The following AP3B2 variants were observed in gnomAD, a reference collection of about 807,000 sequenced individuals.
AP3B2 encodes the protein AP-3 complex subunit beta-2.
A neutral mutation model predicts 126.9 loss-of-function variants in AP3B2; 50 were observed. The ratio of observed to expected loss-of-function variants is 0.39; its 90% confidence interval spans 0.31 to 0.50. AP3B2 has a LOEUF of 0.50. Among genes scored for constraint, AP3B2 ranks in the 20% least tolerant of loss-of-function variants. AP3B2 has a pLI of 0.79. For synonymous variants in AP3B2, 541 were observed against 565.0 expected, an observed-to-expected ratio of 0.96 and a Z score of 0.60; for missense variants, 1,177 against 1,426.4, an observed-to-expected ratio of 0.83 and a Z score of 2.82.
chr15:82,679,728 C>A lies in AP3B2; in HGVS notation c.1182+1G>T. On this transcript the variant is annotated splice_donor_variant, in intron 10 of 26. Coordinates refer to ENST00000535359, the MANE Select transcript of AP3B2 (RefSeq NM_001278512.2). LOFTEE classifies it high-confidence loss of function. The stretch of plus-strand genomic sequence containing the variant: ...CACATGCACTTCTGTCCCTCACTCA[C>A]CTTCAGGATCTTAATCTGGGTGGGG... The A allele has an allele frequency of 1.2e-6, 2 of 1,613,404 alleles. No homozygotes were observed. Among genetic ancestry groups the A allele is most frequent in the Non-Finnish European group, 1.7e-6 (2 of 1,179,412 alleles).
rs142090932 is a variant in AP3B2 at position 82,673,544 on chromosome 15, G to C, written c.1665+2917C>G. ...AAAATTCTAAGTGAAAAGTTTAATT[G>C]AAATGTGAATGGGGAAAAAAAAGTA... On this transcript the variant is annotated intron_variant, in intron 14 of 26. Transcript: ENST00000535359. Among the ~76,000 whole-genome samples, 1,014 of 152,176 alleles carry C rather than the reference G, an allele frequency of 6.7e-3. 9 individuals are homozygous for C. Among genetic ancestry groups the C allele is most frequent in the African/African-American group, 0.023 (946 of 41,504 alleles).
At chr15:82,700,893 CTCCG>C (rs1555469725) in intron 1 of AP3B2, among the ~76,000 whole-genome samples, 1 of 150,800 alleles carries the variant, frequency 6.6e-6, no homozygotes, top group Non-Finnish European at 1.5e-5. Context: ...TGGAGTCTCA[CTCCG>C]TTGCCCAGGC....
intron 1 of AP3B2, among the ~76,000 whole-genome samples, chr15:82,708,220 C>T (rs1014717613): frequency 6.6e-6 from 1 of 151,714 alleles, no homozygotes; most frequent in Admixed American, 6.6e-5. Context: ...GTCCCCCCAC[C>T]GCCAGAGAAC....
Position 82,709,609 on chromosome 15 carries a change from GAGA to G in AP3B2, c.95_97del (p.Phe32del). The G allele has an allele frequency of 6.6e-7, 1 of 1,512,502 alleles. No individual in the cohort carries two copies. The highest frequency in any genetic ancestry group is 1.2e-5 in the South Asian group (1 of 80,952). The allele number at this position is 1,512,502 out of a possible 1,614,324, so 93.7% of individuals were successfully genotyped here. On this transcript the variant is annotated inframe_deletion, in exon 1 of 27. Transcript: ENST00000535359. ...GCTCCCTCACCGCTTGTAGTCGGAG[GAGA>G]AGATGCCGCCGCTCGCGGGGTCGTG...
chr15:82,694,686 A>T (rs1483678405), intron 1 of AP3B2, among the ~76,000 whole-genome samples: 2 of 138,276 alleles, frequency 1.4e-5, no homozygotes, highest in Non-Finnish European at 3.2e-5. Flanking sequence ...ACCTGTCTCT[A>T]AAAAAAAAAA....
chr15:82,681,153 G>A lies in AP3B2; in HGVS notation c.547C>T (p.Leu183=). The part of the protein sequence containing the change: ...YSLDSDQKDQ[L]IEVIEKLLAD... ...AGAAGCTTCTCAATGACTTCTATCA[G>A]CTGATCCTTCTGGTCAGAGTCCAAA... The change falls in exon 6 of 27, where the codon CTG becomes TTG. Residue 183 remains leucine (L), a synonymous_variant. Coordinates refer to ENST00000535359, the MANE Select transcript of AP3B2 (RefSeq NM_001278512.2). The surrounding 1 kb of genome is among the most constrained non-coding windows in gnomAD (Gnocchi z 4.0). The A allele has an allele frequency of 6.2e-7, 1 of 1,612,884 alleles. No individual in the cohort carries two copies. Among genetic ancestry groups the A allele is most frequent in the Non-Finnish European group, 8.5e-7 (1 of 1,179,442 alleles).
intron 12 of AP3B2, 104 bp from the exon 13 acceptor site, chr15:82,677,487 A>G: frequency 7.3e-7 from 1 of 1,377,266 alleles, no homozygotes; most frequent in Non-Finnish European, 1.0e-6. Flanking sequence ...CTTTCTCTCA[A>G]CCCCCTTCAG....
At chr15:82,690,264 T>A (rs75390316) in intron 1 of AP3B2, among the ~76,000 whole-genome samples, 7 of 151,952 alleles carry the variant, frequency 4.6e-5, no homozygotes, top group African/African-American at 7.2e-5. Context: ...TTTTTTTTTT[T>A]AATTATACTT....
At chr15:82,663,083 A>C in intron 22 of AP3B2, 44 bp downstream of exon 22, 2 of 1,540,400 alleles carry the variant, frequency 1.3e-6, no homozygotes, top group South Asian at 2.3e-5. Context: ...CAGCACAGGG[A>C]TGTGTCCCTG....
intron 1 of AP3B2, among the ~76,000 whole-genome samples, chr15:82,703,851 G>C (rs534843092): frequency 6.6e-6 from 1 of 151,648 alleles, no homozygotes; most frequent in Non-Finnish European, 1.5e-5. Flanking sequence ...CTTTTCTACC[G>C]ACCCATCTGA....
Position 82,679,753 on chromosome 15 carries a change from G to A in AP3B2, c.1158C>T (p.Asp386=). 6.2e-7 allele frequency: 1 copy of A among 1,613,888 alleles called. No homozygotes were observed. The highest frequency in any genetic ancestry group is 8.5e-7 in the Non-Finnish European group (1 of 1,179,844). Reference sequence around the variant, plus strand: ...CCTTCAGGATCTTAATCTGGGTGGGGTCGGTGGACCTGATGTAGAAGCTCT... The same window carrying A: ...CCTTCAGGATCTTAATCTGGGTGGGATCGGTGGACCTGATGTAGAAGCTCT... ...YLKSFYIRST[D]PTQIKILKLE... is the part of the protein sequence containing the mutation. The change falls in exon 10 of 27, where the codon GAC becomes GAT. Residue 386 remains aspartate, a synonymous_variant. Transcript: ENST00000535359.
chr15:82,663,042 C>A (rs753971094), intron 22 of AP3B2, 85 bp downstream of exon 22: 14 of 1,486,014 alleles, frequency 9.4e-6, no homozygotes, highest in South Asian at 1.2e-5. Context: ...CCATCACACC[C>A]ACCCCCCACA....
chr15:82,672,396 G>C (rs564371908), intron 14 of AP3B2, among the ~76,000 whole-genome samples: 78 of 152,290 alleles, frequency 5.1e-4, no homozygotes, highest in African/African-American at 1.8e-3. Context: ...TTATTTGTGA[G>C]GGCTAAAAAT....
At position 82,664,384 on chromosome 15, in the gene AP3B2, T is replaced by C. The variant is rs769662562; in HGVS notation, c.2244A>G (p.Lys748=). 2.0e-5 allele frequency: 33 copies of C among 1,613,798 alleles called. No individual in the cohort carries two copies. The highest frequency in any genetic ancestry group is 2.7e-5 in the Non-Finnish European group (32 of 1,179,850). Residue 748 remains lysine, a synonymous_variant, in exon 19 of 27, where the codon AAA becomes AAG. Coordinates refer to ENST00000535359, the MANE Select transcript of AP3B2 (RefSeq NM_001278512.2). This position sits in a 1 kb window ranked among gnomAD's most constrained non-coding sequence, Gnocchi z 4.5. ...DNEDQDEDEE[K]GRGSESEQSE... is the part of the protein sequence containing the mutation. Reference sequence around the variant, plus strand: ...CTTCTCACCTCTCACTGCCTCTCCCTTTCTCCTCATCCTCATCCTGGTCTT... The same window carrying C: ...CTTCTCACCTCTCACTGCCTCTCCCCTTCTCCTCATCCTCATCCTGGTCTT...
At position 82,664,995 on chromosome 15, in the gene AP3B2, C is replaced by A. The variant is rs2151429442; in HGVS notation, c.2029-52G>T. Reference sequence around the variant, plus strand: ...CATTTCATCATGGTTGGGGAGAAGGCAGGCAGGCACAAGCCCTTACCCTTT... The same window carrying A: ...CATTTCATCATGGTTGGGGAGAAGGAAGGCAGGCACAAGCCCTTACCCTTT... On this transcript the variant is annotated intron_variant, in intron 17 of 26. Transcript: ENST00000535359. This position sits in a 1 kb window ranked among gnomAD's most constrained non-coding sequence, Gnocchi z 4.5. The A allele has an allele frequency of 7.3e-7, 1 of 1,377,646 alleles. No individual in the cohort carries two copies. Among genetic ancestry groups the A allele is most frequent in the Admixed American group, 1.9e-5 (1 of 51,518 alleles). The allele number at this position is 1,377,646 out of a possible 1,614,324, so 85.3% of individuals were successfully genotyped here. A position where few individuals can be genotyped will look rare whatever the true frequency, so the allele number is the denominator to read the frequency against.
Position 82,689,418 on chromosome 15 carries a change from T to C in AP3B2, c.149A>G (p.Lys50Arg), listed in dbSNP as rs1161088024. ...DDLKEMLDTN[K>R]DSLKLEAMKR... ...CATGGCCTCCAGCTTGAGAGAATCC[T>C]TGTTGGTGTCCAGCATCTCCTTCAG... Residue 50 changes from lysine (K) to arginine (R), a missense_variant, in exon 2 of 27, where the codon AAG becomes AGG. This residue lies in a region of AP3B2 where 130 missense variants were observed against 262.0 expected (regional missense o/e 0.50). Coordinates refer to ENST00000535359, the MANE Select transcript of AP3B2 (RefSeq NM_001278512.2). The C allele has an allele frequency of 1.2e-5, 19 of 1,613,892 alleles. No homozygotes were observed. Among genetic ancestry groups the C allele is most frequent in the Non-Finnish European group, 1.5e-5 (18 of 1,179,876 alleles).
At chr15:82,697,469 G>C (rs936523511) in intron 1 of AP3B2, among the ~76,000 whole-genome samples, 1 of 152,192 alleles carries the variant, frequency 6.6e-6, no homozygotes, top group East Asian at 1.9e-4. Flanking sequence ...TCATAAAGTG[G>C]CAAATGACTG....
chr15:82,699,783 C>G, intron 1 of AP3B2: 1 of 399,314 alleles, frequency 2.5e-6, no homozygotes, highest in Non-Finnish European at 4.4e-6. Context: ...CTTCGGGAGC[C>G]AGCACAGGGC....
In AP3B2 at chr15:82,662,860, C is replaced by T. The variant is rs1440036937; in HGVS notation, c.2667G>A (p.Gly889=). Residue 889 remains glycine, a synonymous_variant, in exon 23 of 27, where the codon GGG becomes GGA. Coordinates refer to ENST00000535359, the MANE Select transcript of AP3B2 (RefSeq NM_001278512.2). ...QELLHRVAGE[G]LAVDYTFSRQ... ...GGCTGAAGGTGTAGTCCACAGCCAG[C>T]CCCTCGCCAGCTACCCGGTGCAGCA... 1.2e-6 allele frequency: 2 copies of T among 1,613,494 alleles called. No individual in the cohort carries two copies. Among genetic ancestry groups the T allele is most frequent in the Non-Finnish European group, 1.7e-6 (2 of 1,179,798 alleles).
Sources: gnomAD v4.1 joint callset for allele counts (sites outside exome capture counted in the v4.1 genomes callset) on GRCh38, gnomAD v4.1.1 for gene constraint, gnomAD v4.1.1 regional missense constraint, Gnocchi (gnomAD v3.1) non-coding constraint, MANE v1.5 for transcripts, NCBI Gene and HGNC (gene_info 2026-07-23, HGNC 2026-07-21) for gene names.